OCA2: variants seen among roughly 807,000 people sequenced by gnomAD.
OCA2 encodes the protein OCA2 melanosomal transmembrane protein, also known as P protein.
OCA2 carries 77 observed loss-of-function variants against 100.2 expected under a neutral mutation model. That is an observed-to-expected ratio of 0.77 (90% CI 0.64 to 0.93). The LOEUF is 0.93. Ranked by LOEUF, OCA2 falls within the 40% of genes least tolerant of loss-of-function variation. The pLI, the probability that OCA2 is intolerant of heterozygous loss-of-function variation, is 0.00. For synonymous variants in OCA2, 432 were observed against 439.2 expected (o/e 0.98, Z 0.21); for missense variants, 1,062 against 1,089.1 (o/e 0.98, Z 0.35).
At position 27,770,883 on chromosome 15, in the gene OCA2, C is replaced by CCT. The variant is rs1566949257; in HGVS notation, c.2433-15412_2433-15411insAG. Reference sequence around the variant, plus strand: ...CTTCCTTCCTTCCCTCCTTCCTTTGCTCCTTCCCATCTCCTTTTCCTTCCT... The same window carrying CCT: ...CTTCCTTCCTTCCCTCCTTCCTTTGCCTTCCTTCCCATCTCCTTTTCCTTCCT... On this transcript the variant is annotated intron_variant, in intron 23 of 23. Coordinates refer to ENST00000354638, the MANE Select transcript of OCA2 (RefSeq NM_000275.3). Among the ~76,000 whole-genome samples the CCT allele has an allele frequency of 7.4e-4, 41 of 55,090 alleles. 1 individual carries two copies. Among genetic ancestry groups the CCT allele is most frequent in the African/African-American group, 2.9e-3 (38 of 13,068 alleles). 36.1% of individuals were successfully genotyped at this position (55,090 alleles called of 152,430 possible).
intron 23 of OCA2, among the ~76,000 whole-genome samples, chr15:27,782,639 A>G (rs1219346208): frequency 6.6e-6 from 1 of 152,232 alleles, no homozygotes; most frequent in Admixed American, 6.5e-5. Flanking sequence ...GTCATGCCTC[A>G]GCAGAGTGGG....
chr15:27,916,085 G>A (rs1209619509), intron 19 of OCA2, among the ~76,000 whole-genome samples: 1 of 152,094 alleles, frequency 6.6e-6, no homozygotes, highest in Non-Finnish European at 1.5e-5. Flanking sequence ...GCAAACTAAT[G>A]CAGGAACAGA....
At chr15:28,083,580 A>G (rs1436869528) in intron 1 of OCA2, among the ~76,000 whole-genome samples, 3 of 152,248 alleles carry the variant, frequency 2.0e-5, no homozygotes, top group Admixed American at 6.5e-5. Context: ...TGATTTCACA[A>G]ATTCCACGCA....
At chr15:28,079,299 GT>G (rs58836608) in intron 2 of OCA2, among the ~76,000 whole-genome samples, 29,081 of 145,692 alleles carry the variant, frequency 0.2, 3,396 homozygotes, top group East Asian at 0.65. Flanking sequence ...TAAGATTACT[GT>G]TTTTTTTTTT....
At chr15:27,911,885 A>T (rs2038411247) in intron 19 of OCA2, among the ~76,000 whole-genome samples, 1 of 152,256 alleles carries the variant, frequency 6.6e-6, no homozygotes, top group African/African-American at 2.4e-5. Context: ...GAATTAATTT[A>T]AGAAATTTCA....
At chr15:27,956,000 C>A (rs1478547594) in intron 16 of OCA2, among the ~76,000 whole-genome samples, 1 of 152,116 alleles carries the variant, frequency 6.6e-6, no homozygotes, top group African/African-American at 2.4e-5. Context: ...CGTAAGAAAT[C>A]ACAGCAGACA....
intron 15 of OCA2, among the ~76,000 whole-genome samples, chr15:27,965,275 C>T (rs891419178): frequency 1.3e-5 from 2 of 152,150 alleles, no homozygotes; most frequent in African/African-American, 4.8e-5. Flanking sequence ...AAAAAGAAAC[C>T]TATATATTAA....
chr15:28,072,603 A>AC (rs1412036185), intron 2 of OCA2, among the ~76,000 whole-genome samples: 22 of 151,658 alleles, frequency 1.5e-4, no homozygotes, highest in African/African-American at 5.3e-4. Flanking sequence ...AAAAAAAAAA[A>AC]AAAAAACAAG....
intron 23 of OCA2, among the ~76,000 whole-genome samples, chr15:27,803,337 G>A (rs538216130): frequency 5.9e-5 from 9 of 152,270 alleles, no homozygotes; most frequent in South Asian, 2.1e-4. Context: ...CCCAGTATCC[G>A]TTGACAGATA....
chr15:27,997,082 G>GAGAAAGAA (rs1555370284), intron 9 of OCA2, among the ~76,000 whole-genome samples: 2 of 124,376 alleles, frequency 1.6e-5, no homozygotes, highest in Non-Finnish European at 3.2e-5. Flanking sequence ...GGGAGAAAGA[G>GAGAAAGAA]AGAGAAAGAA....
At chr15:27,785,976 A>C (rs1278651755) in intron 23 of OCA2, among the ~76,000 whole-genome samples, 1 of 152,224 alleles carries the variant, frequency 6.6e-6, no homozygotes, top group Non-Finnish European at 1.5e-5. Context: ...TAAGTGAAAG[A>C]AGCCCAACAC....
At chr15:27,864,657 C>G (rs934616154) in intron 21 of OCA2, among the ~76,000 whole-genome samples, 10 of 152,134 alleles carry the variant, frequency 6.6e-5, no homozygotes, top group Non-Finnish European at 8.8e-5. Flanking sequence ...TGATGAGTGC[C>G]AACAAGTCAG....
At chr15:27,765,289 C>T (rs1274322737) in intron 23 of OCA2, among the ~76,000 whole-genome samples, 1 of 152,036 alleles carries the variant, frequency 6.6e-6, no homozygotes, top group Admixed American at 6.5e-5. Flanking sequence ...CCAGGCCTTT[C>T]CTGGGCCTTG....
intron 6 of OCA2, 68 bp downstream of exon 6, chr15:28,022,433 T>C: frequency 8.7e-7 from 1 of 1,149,486 alleles, no homozygotes; most frequent in Non-Finnish European, 1.3e-6. Flanking sequence ...CACAACCGTC[T>C]GCAAGTGTCT....
At chr15:27,864,850 G>A (rs1327217357) in intron 21 of OCA2, among the ~76,000 whole-genome samples, 3 of 152,002 alleles carry the variant, frequency 2.0e-5, no homozygotes, top group Non-Finnish European at 2.9e-5. Context: ...TCATTATGCT[G>A]TTTCTCAGCG....
chr15:28,075,132 C>T (rs2044391350), intron 2 of OCA2, among the ~76,000 whole-genome samples: 1 of 151,992 alleles, frequency 6.6e-6, no homozygotes, highest in Admixed American at 6.6e-5. Flanking sequence ...AGATACAACA[C>T]CAAAAGTATA....
In OCA2 at chr15:27,913,803, C is replaced by CA. The variant is rs201957903; in HGVS notation, c.2079+12323dup. Among the ~76,000 whole-genome samples, 180 of 64,418 alleles carry CA rather than the reference C, an allele frequency of 2.8e-3. 5 individuals are homozygous for CA. Among genetic ancestry groups the CA allele is most frequent in the African/African-American group, 7.5e-3 (131 of 17,474 alleles). 42.3% of individuals were successfully genotyped at this position (64,418 alleles called of 152,430 possible). A position where few individuals can be genotyped will look rare whatever the true frequency, so the allele number is the denominator to read the frequency against. On this transcript the variant is annotated intron_variant, in intron 19 of 23. Coordinates refer to ENST00000354638, the MANE Select transcript of OCA2 (RefSeq NM_000275.3). ...GATACCAAACCTAGCAGAGACACAA[C>CA]AAAAAAAAAAAAGAGAAAGAAAGAA...
chr15:28,056,050 T>G (rs548058474), intron 2 of OCA2, among the ~76,000 whole-genome samples: 1 of 151,896 alleles, frequency 6.6e-6, no homozygotes, highest in African/African-American at 2.4e-5. Context: ...TGTCCCCTGG[T>G]CCCCTGCACT....
At position 27,972,820 on chromosome 15, in the gene OCA2, GTTATTTTATTTTATTTTATT is replaced by G. The variant is rs200881214; in HGVS notation, c.1504-6018_1504-5999del. Among the ~76,000 whole-genome samples the G allele has an allele frequency of 6.1e-3, 457 of 74,446 alleles. 9 individuals are homozygous for G. Among genetic ancestry groups the G allele is most frequent in the African/African-American group, 0.012 (388 of 31,340 alleles). 48.8% of individuals were successfully genotyped at this position (74,446 alleles called of 152,430 possible). A position where few individuals can be genotyped will look rare whatever the true frequency, so the allele number is the denominator to read the frequency against. On this transcript the variant is annotated intron_variant, in intron 14 of 23. Coordinates refer to ENST00000354638, the MANE Select transcript of OCA2 (RefSeq NM_000275.3). The stretch of plus-strand genomic sequence containing the variant: ...TGTAGGTTTTCTGTTTACTTTGATG[GTTATTTTATTTTATTTTATT>G]TTATTTTATTTTATTTTATTTTATT...
Sources: gnomAD v4.1 joint callset for allele counts (sites outside exome capture counted in the v4.1 genomes callset) on GRCh38, gnomAD v4.1.1 for gene constraint, MANE v1.5 for transcripts, NCBI Gene and HGNC (gene_info 2026-07-23, HGNC 2026-07-21) for gene names.